Variants in NFIL3 observed in about 807,000 individuals in gnomAD.
NFIL3 encodes nuclear factor interleukin-3-regulated protein.
Under a neutral mutation model 10.0 loss-of-function variants are expected in NFIL3, and 5 were observed. The ratio of observed to expected loss-of-function variants is 0.50; its 90% CI spans 0.26 to 1.06. NFIL3 has a LOEUF of 1.06. Among genes scored for constraint, NFIL3 ranks in the 50% least tolerant of loss-of-function variants. The pLI, the probability that NFIL3 is intolerant of heterozygous loss-of-function variation, is 0.13. For synonymous variants in NFIL3, 202 were observed against 206.5 expected, an observed-to-expected ratio of 0.98 and a Z score of 0.19; for missense variants, 436 against 547.6, an observed-to-expected ratio of 0.80 and a Z score of 2.03.
the NFIL3 span, among the ~76,000 whole-genome samples, chr9:91,444,761 G>C: frequency 6.6e-6 from 1 of 152,172 alleles, no homozygotes; most frequent in Non-Finnish European, 1.5e-5. Context: ...TGTGGCAACA[G>C]TGGTGGCAGC....
the NFIL3 span, among the ~76,000 whole-genome samples, chr9:91,448,036 G>A: frequency 6.6e-6 from 1 of 151,950 alleles, no homozygotes; most frequent in Non-Finnish European, 1.5e-5. Context: ...TATGAACTAG[G>A]GATTCAACTT....
At chr9:91,476,602 A>G in the NFIL3 span, among the ~76,000 whole-genome samples, 1 of 152,028 alleles carries the variant, frequency 6.6e-6, no homozygotes, top group Admixed American at 6.6e-5. Context: ...CCAATTGTCT[A>G]TTTATGGAAA....
At chr9:91,417,815 C>G (rs1401156747) in intron 1 of NFIL3, among the ~76,000 whole-genome samples, 2 of 152,152 alleles carry the variant, frequency 1.3e-5, no homozygotes, top group Non-Finnish European at 2.9e-5. Flanking sequence ...CACACACATA[C>G]ACACACACTC....
chr9:91,434,488 A>G, the NFIL3 span, among the ~76,000 whole-genome samples: 2 of 152,356 alleles, frequency 1.3e-5, no homozygotes, highest in Middle Eastern at 3.4e-3. Flanking sequence ...GTGTTAAATT[A>G]CACATAAAAG....
the NFIL3 span, among the ~76,000 whole-genome samples, chr9:91,467,894 C>T: frequency 2.4e-4 from 36 of 152,246 alleles, 1 homozygote; most frequent in East Asian, 1.7e-3. Flanking sequence ...GCATAGTATT[C>T]CATGGTGTTT....
chr9:91,427,746 AC>A, upstream of NFIL3, among the ~76,000 whole-genome samples: 1 of 150,656 alleles, frequency 6.6e-6, no homozygotes, highest in East Asian at 1.9e-4. Flanking sequence ...GCTCAAGCAA[AC>A]CTCCAACCTC....
At chr9:91,469,427 T>G in the NFIL3 span, among the ~76,000 whole-genome samples, 170 of 152,314 alleles carry the variant, frequency 1.1e-3, no homozygotes, top group Non-Finnish European at 1.6e-3. Context: ...AAGGAGGTTT[T>G]GGGCTGAGAC....
the NFIL3 span, among the ~76,000 whole-genome samples, chr9:91,468,583 C>CT: frequency 1.3e-5 from 2 of 152,010 alleles, no homozygotes; most frequent in African/African-American, 4.8e-5. Context: ...TGCCATTGCT[C>CT]TTGGTGTTTT....
chr9:91,462,221 G>A, the NFIL3 span, among the ~76,000 whole-genome samples: 10 of 151,712 alleles, frequency 6.6e-5, no homozygotes, highest in Non-Finnish European at 1.3e-4. Flanking sequence ...TGGTCTTAAT[G>A]CACCTGCTAT....
the NFIL3 span, among the ~76,000 whole-genome samples, chr9:91,430,951 T>C: frequency 6.3e-3 from 963 of 152,338 alleles, 15 homozygotes; most frequent in African/African-American, 0.022. Context: ...ATGGGTATTC[T>C]ACAGGCAGGA....
the NFIL3 span, among the ~76,000 whole-genome samples, chr9:91,440,927 A>AGT: frequency 6.6e-6 from 1 of 152,128 alleles, no homozygotes; most frequent in African/African-American, 2.4e-5. Context: ...CCTAACATAC[A>AGT]GTGTATCCTG....
At chr9:91,467,156 C>G in the NFIL3 span, among the ~76,000 whole-genome samples, 1 of 151,782 alleles carries the variant, frequency 6.6e-6, no homozygotes, top group Non-Finnish European at 1.5e-5. Context: ...CTCTCTCTGT[C>G]TTTATACACA....
chr9:91,413,322 C>T (rs890571159), intron 1 of NFIL3, among the ~76,000 whole-genome samples: 4 of 151,806 alleles, frequency 2.6e-5, no homozygotes, highest in Non-Finnish European at 5.9e-5. Flanking sequence ...AATCTTGGTG[C>T]ACTGCAGCCT....
the NFIL3 span, among the ~76,000 whole-genome samples, chr9:91,452,645 G>A: frequency 6.6e-6 from 1 of 151,988 alleles, no homozygotes; most frequent in East Asian, 1.9e-4. Context: ...AAATTAGCCA[G>A]GTGTGGTGGC....
At chr9:91,436,576 TCAACAACAACAACAACAACAACAA>T in the NFIL3 span, among the ~76,000 whole-genome samples, 1 of 138,610 alleles carries the variant, frequency 7.2e-6, no homozygotes, top group South Asian at 2.4e-4. Flanking sequence ...AGACTCTGCC[TCAACAACAACAACAACAACAACAA>T]CAACAACAAC....
chr9:91,420,492 T>C (rs183610198), intron 1 of NFIL3, among the ~76,000 whole-genome samples: 15 of 151,962 alleles, frequency 9.9e-5, no homozygotes, highest in Admixed American at 6.5e-4. Flanking sequence ...TGGAGAGTGA[T>C]GGAAATCAGG....
At chr9:91,436,065 C>T in the NFIL3 span, among the ~76,000 whole-genome samples, 3 of 152,214 alleles carry the variant, frequency 2.0e-5, no homozygotes, top group African/African-American at 7.2e-5. Flanking sequence ...GCTAAAAAGC[C>T]GGAAGCTATG....
chr9:91,465,868 A>C, the NFIL3 span, among the ~76,000 whole-genome samples: 2 of 151,946 alleles, frequency 1.3e-5, no homozygotes, highest in African/African-American at 2.4e-5. Flanking sequence ...CTTCACTTTA[A>C]CCTTTCATAA....
the NFIL3 span, among the ~76,000 whole-genome samples, chr9:91,467,686 C>T: frequency 1.3e-5 from 2 of 152,000 alleles, no homozygotes; most frequent in Admixed American, 6.6e-5. Context: ...TCCCTCCCCC[C>T]AACCCCCACC....
Sources: allele counts gnomAD v4.1 joint callset (sites outside exome capture counted in the v4.1 genomes callset), GRCh38; gene constraint gnomAD v4.1.1; transcripts MANE v1.5; gene names NCBI Gene and HGNC (gene_info 2026-07-23, HGNC 2026-07-21).